Variants in DIP2C observed in about 807,000 individuals in gnomAD.
DIP2C encodes disco-interacting protein 2 homolog C.
Under a neutral mutation model 192.4 loss-of-function variants are expected in DIP2C, and 33 were observed. The ratio of observed to expected loss-of-function variants is 0.17; its 90% CI spans 0.13 to 0.23. The LOEUF is 0.23. DIP2C is among the 10% of genes least tolerant of loss of function. The pLI, the probability that DIP2C is intolerant of heterozygous loss-of-function variation, is 1.00. For missense variants in DIP2C, 1,537 were observed against 2,110.1 expected (o/e 0.73, Z 5.32); for synonymous variants, 979 against 864.1 (o/e 1.13, Z -2.33).
At chr10:571,245 G>A (rs529968621) in intron 1 of DIP2C, among the ~76,000 whole-genome samples, 32 of 152,340 alleles carry the variant, frequency 2.1e-4, no homozygotes, top group African/African-American at 6.7e-4. Context: ...GTGGCTGTGC[G>A]GACGACCTCT....
At chr10:318,858 ATTTAT>A (rs1956884184) in intron 31 of DIP2C, among the ~76,000 whole-genome samples, 1 of 151,664 alleles carries the variant, frequency 6.6e-6, no homozygotes, top group Non-Finnish European at 1.5e-5. Flanking sequence ...TATTACAACT[ATTTAT>A]TTTGAGAATT....
chr10:511,768 A>G (rs1846028254), intron 1 of DIP2C, among the ~76,000 whole-genome samples: 2 of 152,216 alleles, frequency 1.3e-5, no homozygotes, highest in South Asian at 4.1e-4. Context: ...AGAGACACAG[A>G]CACACCCACA....
Position 384,121 on chromosome 10 carries a change from C to T in DIP2C, c.1782G>A (p.Arg594=). The T allele has an allele frequency of 6.2e-7, 1 of 1,609,458 alleles. No individual in the cohort carries two copies. Among genetic ancestry groups the T allele is most frequent in the Non-Finnish European group, 8.5e-7 (1 of 1,179,078 alleles). Residue 594 remains arginine (R), a synonymous_variant, in exon 16 of 37, where the codon AGG becomes AGA. Coordinates refer to ENST00000280886, the MANE Select transcript of DIP2C (RefSeq NM_014974.3). ...YKAKVACVKS[R]DMHWALVAHR... ...GTGCTACTAATGCCCAATGCATATC[C>T]CTCGATTTCACACACGCCACTTTTG...
chr10:334,021 T>C (rs573424381), intron 29 of DIP2C, among the ~76,000 whole-genome samples: 216 of 152,320 alleles, frequency 1.4e-3, no homozygotes, highest in African/African-American at 4.9e-3. Context: ...GTTTATTACA[T>C]AGGCTGGGTG....
intron 1 of DIP2C, among the ~76,000 whole-genome samples, chr10:609,441 T>C (rs557613979): frequency 6.6e-6 from 1 of 152,206 alleles, no homozygotes; most frequent in Admixed American, 6.5e-5. Flanking sequence ...ACTAGCCACA[T>C]CCTATCAGGG....
At chr10:480,546 G>T (rs1178300418) in intron 2 of DIP2C, among the ~76,000 whole-genome samples, 2 of 152,218 alleles carry the variant, frequency 1.3e-5, no homozygotes, top group Non-Finnish European at 1.5e-5. Flanking sequence ...TCAGGACCGG[G>T]CCTTCACGTT....
chr10:368,754 G>A lies in DIP2C; in HGVS notation c.2131+740C>T, dbSNP rs139826333. On this transcript the variant is annotated intron_variant, in intron 18 of 36. Coordinates refer to ENST00000280886, the MANE Select transcript of DIP2C (RefSeq NM_014974.3). ...TCGCACAGGCATGGCTACCCTGCTGGGCTTGAGCCCACACCCCATGCCTGG... is the reference window on the plus strand; with the variant it reads ...TCGCACAGGCATGGCTACCCTGCTGAGCTTGAGCCCACACCCCATGCCTGG... Among the ~76,000 whole-genome samples the A allele has an allele frequency of 3.1e-3, 473 of 152,322 alleles. 2 individuals carry two copies. The highest frequency in any genetic ancestry group is 5.4e-3 in the Non-Finnish European group (367 of 68,026).
At chr10:419,007 C>A (rs558160304) in intron 6 of DIP2C, 58 bp downstream of exon 6, 1 of 1,609,234 alleles carries the variant, frequency 6.2e-7, no homozygotes, top group South Asian at 1.1e-5. Flanking sequence ...GGGCACGGAA[C>A]GGGACGTCAG....
intron 2 of DIP2C, chr10:485,008 C>T: frequency 6.6e-7 from 1 of 1,508,688 alleles, no homozygotes. Context: ...AAATTTGTTA[C>T]AGCGCTGAGC....
At chr10:685,281 A>G (rs7077694) in intron 1 of DIP2C, among the ~76,000 whole-genome samples, 134,102 of 150,630 alleles carry the variant, frequency 0.89, 60,622 homozygotes, top group South Asian at 0.97. Flanking sequence ...CTCCCTCTGC[A>G]AGCAGGTTCT....
chr10:672,662 C>T (rs1830708082), intron 1 of DIP2C, among the ~76,000 whole-genome samples: 1 of 152,196 alleles, frequency 6.6e-6, no homozygotes, highest in Admixed American at 6.5e-5. Flanking sequence ...TGAGTGATGG[C>T]GAAGCTTCAA....
At position 277,154 on chromosome 10, in the gene DIP2C, C is replaced by A; in HGVS notation, c.*171G>T. 3.2e-6 allele frequency: 3 copies of A among 932,390 alleles called. No individual in the cohort carries two copies. The highest frequency in any genetic ancestry group is 4.7e-6 in the Non-Finnish European group (3 of 642,254). The allele number at this position is 932,390 out of a possible 1,614,324, so 57.8% of individuals were successfully genotyped here. ...CAGTGGTAAATTCACATTTCACCCC[C>A]ATGCCAATCGTGGCTGCTGTGAGAA... On this transcript the variant is annotated 3_prime_UTR_variant, in exon 37 of 37. Transcript: ENST00000280886.
At chr10:449,917 C>CAAAAAAAAAAAAAA (rs1287942290) in intron 3 of DIP2C, among the ~76,000 whole-genome samples, 1 of 22,532 alleles carries the variant, frequency 4.4e-5, no homozygotes, top group Non-Finnish European at 1.1e-4. Context: ...CAGTCAACAA[C>CAAAAAAAAAAAAAA]AACAAAAAAA....
At chr10:286,617 CAAT>C (rs551505787) in intron 33 of DIP2C, among the ~76,000 whole-genome samples, 262 of 152,114 alleles carry the variant, frequency 1.7e-3, no homozygotes, top group Middle Eastern at 6.8e-3. Flanking sequence ...AGTCATACCT[CAAT>C]AAAGCTAAGA....
chr10:362,080 A>C (rs749099893), intron 22 of DIP2C, among the ~76,000 whole-genome samples: 47 of 152,088 alleles, frequency 3.1e-4, no homozygotes, highest in Non-Finnish European at 6.2e-4. Flanking sequence ...AAAAAAAGAA[A>C]TGGAGGAGGA....
At chr10:574,605 C>T (rs570142457) in intron 1 of DIP2C, among the ~76,000 whole-genome samples, 1 of 152,164 alleles carries the variant, frequency 6.6e-6, no homozygotes, top group African/African-American at 2.4e-5. Flanking sequence ...ATGGGAAAAC[C>T]GAAACATACT....
At chr10:658,275 G>A (rs1300524597) in intron 1 of DIP2C, among the ~76,000 whole-genome samples, 42 of 150,990 alleles carry the variant, frequency 2.8e-4, no homozygotes, top group African/African-American at 8.8e-4. Flanking sequence ...ACCTGCCCCT[G>A]GACCTGCCCC....
At chr10:528,374 C>T (rs1328090542) in intron 1 of DIP2C, among the ~76,000 whole-genome samples, 5 of 92,000 alleles carry the variant, frequency 5.4e-5, no homozygotes, top group South Asian at 2.8e-4. Flanking sequence ...GAACGCAGAC[C>T]GCCCGCAGCT....
intron 6 of DIP2C, among the ~76,000 whole-genome samples, chr10:416,795 G>C (rs1965667053): frequency 6.6e-6 from 1 of 152,120 alleles, no homozygotes; most frequent in Non-Finnish European, 1.5e-5. Flanking sequence ...GCTGCAGGCC[G>C]GCAGGACCTG....
Sources: gnomAD v4.1 joint callset for allele counts (sites outside exome capture counted in the v4.1 genomes callset) on GRCh38, gnomAD v4.1.1 for gene constraint, MANE v1.5 for transcripts, NCBI Gene and HGNC (gene_info 2026-07-23, HGNC 2026-07-21) for gene names.